The following EFHB variants were observed in gnomAD, a reference collection of about 807,000 sequenced individuals.
EFHB encodes EF-hand domain family member B, also known as EF-hand domain-containing family member B.
Under a neutral mutation model 87.2 loss-of-function variants are expected in EFHB, and 91 were observed. The ratio of observed to expected loss-of-function variants is 1.04; its 90% CI spans 0.88 to 1.24. The LOEUF (loss-of-function observed/expected upper bound fraction) is 1.24, where lower values mean the gene tolerates loss of function less well. Ranked by LOEUF, EFHB falls within the 50% of genes most tolerant of loss-of-function variation. EFHB has a pLI of 0.00. For missense variants in EFHB, 1,084 were observed against 998.8 expected, an observed-to-expected ratio of 1.09 and a Z score of -1.15; for synonymous variants, 325 against 333.6, an observed-to-expected ratio of 0.97 and a Z score of 0.28.
chr3:19,890,543 C>T (rs1391931920), intron 9 of EFHB, among the ~76,000 whole-genome samples: 1 of 152,118 alleles, frequency 6.6e-6, no homozygotes, highest in Non-Finnish European at 1.5e-5. Context: ...GCTTCCAAGC[C>T]TGAATATTTA....
upstream of EFHB, among the ~76,000 whole-genome samples, chr3:19,938,598 A>AACC (rs1332627529): frequency 1.3e-5 from 2 of 152,222 alleles, no homozygotes; most frequent in Non-Finnish European, 2.9e-5. Flanking sequence ...GGAAAAAAAT[A>AACC]AGAGATGTGG....
At chr3:19,934,450 C>T (rs9758363), upstream of EFHB, among the ~76,000 whole-genome samples, 340 of 98,900 alleles carry the variant, frequency 3.4e-3, 8 homozygotes, top group East Asian at 0.047. Context: ...CCTCTCTCTC[C>T]CTCTCTGTGT....
At chr3:19,920,072 T>C (rs1006187127) in intron 2 of EFHB, 96 bp from the exon 3 acceptor site, 1 of 1,291,976 alleles carries the variant, frequency 7.7e-7, no homozygotes, top group Non-Finnish European at 1.1e-6. Context: ...CTTAAGTGCA[T>C]GTATGTAGTA....
intron 10 of EFHB, among the ~76,000 whole-genome samples, chr3:19,885,999 TC>T (rs1490264458): frequency 3.3e-5 from 5 of 152,214 alleles, no homozygotes; most frequent in Admixed American, 2.6e-4. Context: ...CTTGACAGTT[TC>T]TACCCTAAAA....
At chr3:19,900,702 G>A (rs1175730440) in intron 6 of EFHB, among the ~76,000 whole-genome samples, 1 of 152,114 alleles carries the variant, frequency 6.6e-6, no homozygotes, top group Non-Finnish European at 1.5e-5. Context: ...GCTAAAGTGG[G>A]CAGATCACTT....
intron 1 of EFHB, among the ~76,000 whole-genome samples, chr3:19,921,284 A>G (rs7612672): frequency 0.021 from 3,229 of 150,622 alleles, 97 homozygotes; most frequent in African/African-American, 0.071. Flanking sequence ...TGAGTGTGGA[A>G]TTCCTTTTAG....
intron 1 of EFHB, chr3:19,940,826 A>C (rs761662152): frequency 2.6e-6 from 1 of 388,142 alleles, no homozygotes; most frequent in Non-Finnish European, 5.2e-6. Context: ...GCAGGTTGCT[A>C]TCCTTGGTCA....
intron 6 of EFHB, 59 bp from the exon 7 acceptor site, chr3:19,899,574 A>G: frequency 7.5e-7 from 1 of 1,326,228 alleles, no homozygotes; most frequent in Non-Finnish European, 1.0e-6. Flanking sequence ...TGGCTGCCAA[A>G]TATACATAAG....
intron 6 of EFHB, among the ~76,000 whole-genome samples, chr3:19,901,442 C>T (rs1027268944): frequency 8.5e-5 from 13 of 152,150 alleles, no homozygotes; most frequent in African/African-American, 3.1e-4. Flanking sequence ...ATTTGCTTTT[C>T]AAAGTATCTC....
intron 5 of EFHB, among the ~76,000 whole-genome samples, chr3:19,908,333 G>C (rs1694908340): frequency 6.6e-6 from 1 of 152,014 alleles, no homozygotes; most frequent in Non-Finnish European, 1.5e-5. Context: ...AGAAGTTCGA[G>C]ACCAGCCTGA....
At chr3:19,937,905 C>G (rs984236160), upstream of EFHB, among the ~76,000 whole-genome samples, 7 of 152,144 alleles carry the variant, frequency 4.6e-5, no homozygotes, top group African/African-American at 1.7e-4. Context: ...CTGTCTCCTC[C>G]TCCCCTGAAG....
At chr3:19,926,848 C>T (rs571142925) in intron 1 of EFHB, among the ~76,000 whole-genome samples, 204 of 151,444 alleles carry the variant, frequency 1.3e-3, no homozygotes, top group African/African-American at 3.6e-3. Context: ...TTAGTAGAGA[C>T]GGGGTTTCTC....
At chr3:19,888,791 A>T in intron 9 of EFHB, 140 bp from the exon 10 acceptor site, 4 of 706,096 alleles carry the variant, frequency 5.7e-6, no homozygotes, top group Non-Finnish European at 7.0e-6. Flanking sequence ...AAGAGGAGTC[A>T]AATACGCTGG....
intron 5 of EFHB, among the ~76,000 whole-genome samples, chr3:19,911,143 G>A (rs549300071): frequency 6.6e-6 from 1 of 152,294 alleles, no homozygotes; most frequent in East Asian, 1.9e-4. Context: ...AGAGCTATAT[G>A]TCCTTTCAGA....
chr3:19,915,383 G>A lies in EFHB; in HGVS notation c.1208C>T (p.Pro403Leu), dbSNP rs1183256607. Reference protein sequence around the residue: ...EYSAKDVVNPPKSYEEVFKEG... With the variant: ...EYSAKDVVNPLKSYEEVFKEG... ...TTTAAATACTTCTTCATAGGATTTT[G>A]GTGGATTCACCACATCTTTAGCAGA... The change falls in exon 5 of 13, where the codon CCA becomes CTA. Residue 403 changes from proline (P) to leucine (L), a missense_variant. Physicochemically the swap from Pro to Leu is moderately conservative, Grantham distance 98 (BLOSUM62 -3). Coordinates refer to ENST00000295824, the MANE Select transcript of EFHB (RefSeq NM_144715.4). The A allele has an allele frequency of 2.5e-6, 4 of 1,612,292 alleles. No homozygotes were observed. Among genetic ancestry groups the A allele is most frequent in the Non-Finnish European group, 3.4e-6 (4 of 1,179,030 alleles).
At chr3:19,943,741 G>A (rs955366344) in intron 1 of EFHB, among the ~76,000 whole-genome samples, 4 of 152,118 alleles carry the variant, frequency 2.6e-5, no homozygotes, top group Non-Finnish European at 5.9e-5. Flanking sequence ...CCATATGGTG[G>A]GGGAATAAGG....
chr3:19,900,563 T>C (rs1364104249), intron 6 of EFHB, among the ~76,000 whole-genome samples: 1 of 152,148 alleles, frequency 6.6e-6, no homozygotes, highest in Non-Finnish European at 1.5e-5. Context: ...TCAAAAAGCA[T>C]AAAAACACTC....
At chr3:19,912,026 G>C (rs1271926771) in intron 5 of EFHB, among the ~76,000 whole-genome samples, 1 of 152,016 alleles carries the variant, frequency 6.6e-6, no homozygotes, top group African/African-American at 2.4e-5. Context: ...GATAGGAGTA[G>C]AAAGTTTATT....
intron 1 of EFHB, among the ~76,000 whole-genome samples, chr3:19,927,988 A>G (rs1695689993): frequency 6.7e-6 from 1 of 149,646 alleles, no homozygotes; most frequent in South Asian, 2.1e-4. Context: ...AGTAGCTAAT[A>G]CTATACATAA....
Sources: gnomAD v4.1 joint callset for allele counts (sites outside exome capture counted in the v4.1 genomes callset) on GRCh38, gnomAD v4.1.1 for gene constraint, MANE v1.5 for transcripts, NCBI Gene and HGNC (gene_info 2026-07-23, HGNC 2026-07-21) for gene names.